Variants in SNX29 observed in about 807,000 individuals in gnomAD.
SNX29 encodes the protein sorting nexin-29.
In SNX29, 78 loss-of-function variants were observed where a neutral mutation model predicts 102.1. The observed-to-expected ratio is 0.76, with a 90% CI of 0.64 to 0.92. SNX29 has a LOEUF of 0.92. Ranked by LOEUF, SNX29 falls within the 40% of genes least tolerant of loss-of-function variation. SNX29 has a pLI of 0.00. For missense variants in SNX29, 1,280 were observed against 1,061.7 expected, an observed-to-expected ratio of 1.21 and a Z score of -2.86; for synonymous variants, 580 against 414.5, an observed-to-expected ratio of 1.40 and a Z score of -4.85.
At chr16:12,357,928 A>G (rs2082188118) in intron 16 of SNX29, among the ~76,000 whole-genome samples, 1 of 152,068 alleles carries the variant, frequency 6.6e-6, no homozygotes, top group Admixed American at 6.5e-5. Flanking sequence ...CATTTCCTGT[A>G]TTTCCTTAAA....
chr16:12,388,634 G>A (rs1233620298), intron 16 of SNX29, among the ~76,000 whole-genome samples: 2 of 152,198 alleles, frequency 1.3e-5, no homozygotes, highest in African/African-American at 4.8e-5. Flanking sequence ...GCCTGAAAGC[G>A]GTCATAGATG....
rs1457399657 is a variant in SNX29, at chr16:12,149,399, T to C, written c.1595+19641T>C. On this transcript the variant is annotated intron_variant, in intron 13 of 20. Coordinates refer to ENST00000566228, the MANE Select transcript of SNX29 (RefSeq NM_032167.5). Reference sequence around the variant, plus strand: ...TAGTGGAGCACATTGTCACTCCAAATAAAACAGAAGGCAAGTAGTGGTCTG... The same window carrying C: ...TAGTGGAGCACATTGTCACTCCAAACAAAACAGAAGGCAAGTAGTGGTCTG... 2.0e-5 allele frequency among the ~76,000 whole-genome samples: 3 copies of C among 152,208 alleles called. No homozygotes were observed. In the East Asian group the frequency reaches 5.8e-4, roughly 29 times the overall value.
intron 20 of SNX29, among the ~76,000 whole-genome samples, chr16:12,527,976 C>T (rs2076831995): frequency 6.9e-6 from 1 of 145,952 alleles, no homozygotes; most frequent in African/African-American, 2.6e-5. Flanking sequence ...ATGTGCCCAC[C>T]ACCATGCCTG....
intron 3 of SNX29, among the ~76,000 whole-genome samples, chr16:12,025,394 A>T (rs8045634): frequency 2.6e-5 from 4 of 151,244 alleles, no homozygotes; most frequent in Non-Finnish European, 4.4e-5. Flanking sequence ...CCCAGCAAAG[A>T]GGTTTGTTTC....
intron 1 of SNX29, among the ~76,000 whole-genome samples, chr16:11,995,132 C>A (rs1027734021): frequency 6.6e-6 from 1 of 152,244 alleles, no homozygotes; most frequent in Non-Finnish European, 1.5e-5. Context: ...TTGGTGCAAT[C>A]TTGGCTCACT....
chr16:12,018,686 T>G (rs1460354959), intron 3 of SNX29, among the ~76,000 whole-genome samples: 2 of 151,958 alleles, frequency 1.3e-5, no homozygotes, highest in Non-Finnish European at 2.9e-5. Flanking sequence ...AATGTTATGG[T>G]GTCTTTGTTT....
chr16:12,284,734 C>CT (rs935648559), intron 15 of SNX29, among the ~76,000 whole-genome samples: 102 of 135,432 alleles, frequency 7.5e-4, no homozygotes, highest in African/African-American at 2.4e-3. Context: ...TTTTTTTTTT[C>CT]TTTTTTTTGA....
At chr16:12,058,797 GTTTTTTTTTTTTTTTT>G (rs34150245) in intron 8 of SNX29, among the ~76,000 whole-genome samples, 1 of 113,744 alleles carries the variant, frequency 8.8e-6, no homozygotes, top group Non-Finnish European at 1.8e-5. Flanking sequence ...CCCGGCCTGG[GTTTTTTTTTTTTTTTT>G]TTTTTTTTTT....
rs1328283180 is a variant in SNX29 at position 12,569,079 on chromosome 16, T to G, written c.*450T>G. The G allele has an allele frequency of 1.1e-5, 2 of 182,050 alleles. No homozygotes were observed. The highest frequency in any genetic ancestry group is 1.8e-4 in the East Asian group (2 of 11,256). 11.3% of individuals were successfully genotyped at this position (182,050 alleles called of 1,614,324 possible). A position where few individuals can be genotyped will look rare whatever the true frequency, so the allele number is the denominator to read the frequency against. On this transcript the variant is annotated 3_prime_UTR_variant, in exon 21 of 21. Coordinates refer to ENST00000566228, the MANE Select transcript of SNX29 (RefSeq NM_032167.5). ...TGACTATTAGCCTCTCCTTTTGCTT[T>G]TTAAGGTTATTACCTGGCCTAACCT...
intron 13 of SNX29, among the ~76,000 whole-genome samples, chr16:12,132,785 G>T (rs78176964): frequency 3.9e-5 from 6 of 152,128 alleles, no homozygotes; most frequent in Non-Finnish European, 8.8e-5. Flanking sequence ...GCAGTCTGTA[G>T]GCAGAAGGAA....
At chr16:12,309,922 A>G (rs2080473559) in intron 15 of SNX29, among the ~76,000 whole-genome samples, 1 of 152,092 alleles carries the variant, frequency 6.6e-6, no homozygotes, top group Non-Finnish European at 1.5e-5. Context: ...GCTTGGTGCG[A>G]GTTTGTATTT....
intron 8 of SNX29, chr16:12,052,479 A>C: frequency 2.5e-6 from 1 of 407,282 alleles, no homozygotes; most frequent in East Asian, 5.3e-5. Flanking sequence ...GGCCTCCCAA[A>C]TTGCTAGGTT....
rs895112332 is a variant in SNX29, at chr16:12,429,467, C to G, written c.2037+25938C>G. Among the ~76,000 whole-genome samples the G allele has an allele frequency of 1.3e-5, 2 of 152,180 alleles. 1 individual carries two copies. Among genetic ancestry groups the G allele is most frequent in the Non-Finnish European group, 2.9e-5 (2 of 68,052 alleles). Reference sequence around the variant, plus strand: ...ACAGTGTCTCATTCTGTCACCCAGACTGGAGTGCAATGACAAGATCATAGC... The same window carrying G: ...ACAGTGTCTCATTCTGTCACCCAGAGTGGAGTGCAATGACAAGATCATAGC... On this transcript the variant is annotated intron_variant, in intron 18 of 20. Transcript: ENST00000566228.
chr16:12,433,307 A>G (rs2085390656), intron 18 of SNX29, among the ~76,000 whole-genome samples: 1 of 152,154 alleles, frequency 6.6e-6, no homozygotes, highest in South Asian at 2.1e-4. Context: ...GGAACACCCC[A>G]TTTAGAAACT....
intron 13 of SNX29, among the ~76,000 whole-genome samples, chr16:12,166,826 C>A (rs1240306544): frequency 1.3e-5 from 2 of 152,148 alleles, no homozygotes; most frequent in Admixed American, 6.5e-5. Flanking sequence ...GATCTCGTGT[C>A]CAACTTAATA....
At chr16:12,548,268 G>A (rs942645347) in intron 20 of SNX29, among the ~76,000 whole-genome samples, 1 of 152,172 alleles carries the variant, frequency 6.6e-6, no homozygotes, top group Non-Finnish European at 1.5e-5. Flanking sequence ...CACCAGATGT[G>A]GACCTGACTG....
At chr16:12,193,320 A>ACGG (rs1013311713) in intron 13 of SNX29, among the ~76,000 whole-genome samples, 2 of 152,064 alleles carry the variant, frequency 1.3e-5, no homozygotes, top group African/African-American at 4.8e-5. Context: ...AAATAAAACA[A>ACGG]TTAGCCGGGC....
intron 13 of SNX29, among the ~76,000 whole-genome samples, chr16:12,187,059 G>A (rs536131108): frequency 1.3e-5 from 2 of 152,320 alleles, no homozygotes; most frequent in East Asian, 1.9e-4. Context: ...GGAGGAATCC[G>A]GACTTCCACC....
chr16:12,191,577 A>G (rs968629756), intron 13 of SNX29, among the ~76,000 whole-genome samples: 2 of 152,218 alleles, frequency 1.3e-5, no homozygotes, highest in African/African-American at 4.8e-5. Flanking sequence ...AGTGTTCTGT[A>G]AAGGGCAGTG....
Sources: gnomAD v4.1 joint callset for allele counts (sites outside exome capture counted in the v4.1 genomes callset) on GRCh38, gnomAD v4.1.1 for gene constraint, MANE v1.5 for transcripts, NCBI Gene and HGNC (gene_info 2026-07-23, HGNC 2026-07-21) for gene names.